The following COL5A1 variants were observed in gnomAD, a reference collection of about 807,000 sequenced individuals.
COL5A1 encodes the protein collagen alpha-1(V) chain.
Under a neutral mutation model 263.7 loss-of-function variants are expected in COL5A1, and 16 were observed. That is an observed-to-expected ratio of 0.06 (90% CI 0.04 to 0.09). COL5A1 has a LOEUF of 0.09. Among genes scored for constraint, COL5A1 ranks in the 10% least tolerant of loss-of-function variants. The pLI, the probability that COL5A1 is intolerant of heterozygous loss-of-function variation, is 1.00. For synonymous variants in COL5A1, 1,012 were observed against 1,004.5 expected (o/e 1.01, Z -0.14); for missense variants, 2,036 against 2,540.5 (o/e 0.80, Z 4.27).
intron 1 of COL5A1, among the ~76,000 whole-genome samples, chr9:134,675,577 G>C (rs1564379793): frequency 6.6e-6 from 1 of 152,154 alleles, no homozygotes; most frequent in Non-Finnish European, 1.5e-5. Flanking sequence ...TCAATACCTG[G>C]TGGCTTAATA....
chr9:134,830,292 G>A lies in COL5A1; in HGVS notation c.5136+248G>A, dbSNP rs557839577. ...TGTGCCACACCGCTCTTGCCAAACC[G>A]CTCCACATCACGTGACAGCAAGACT... On this transcript the variant is annotated intron_variant, in intron 64 of 65. Coordinates refer to ENST00000371817, the MANE Select transcript of COL5A1 (RefSeq NM_000093.5). 3 of 1,049,876 alleles carry A rather than the reference G, an allele frequency of 2.9e-6. No homozygotes were observed. The East Asian group carries it at 7.8e-5, about 27-fold the overall frequency. 65.0% of individuals were successfully genotyped at this position (1,049,876 alleles called of 1,614,324 possible).
intron 11 of COL5A1, 81 bp from the exon 12 acceptor site, chr9:134,750,461 C>G: frequency 7.5e-7 from 1 of 1,328,990 alleles, no homozygotes. Context: ...TGGGCCGCTT[C>G]TCCGACGCCC....
chr9:134,736,441 C>T (rs1835100503), intron 9 of COL5A1, among the ~76,000 whole-genome samples: 1 of 152,218 alleles, frequency 6.6e-6, no homozygotes, highest in South Asian at 2.1e-4. Context: ...CCCTAACGAG[C>T]CCGCTCCCAT....
intron 23 of COL5A1, 105 bp downstream of exon 23, chr9:134,767,158 TAGC>T: frequency 6.9e-7 from 1 of 1,450,034 alleles, no homozygotes; most frequent in Non-Finnish European, 9.6e-7. Flanking sequence ...CCCCTCCAAG[TAGC>T]AGCCCCTCCC....
intron 4 of COL5A1, among the ~76,000 whole-genome samples, chr9:134,725,390 G>A (rs1834611552): frequency 6.6e-6 from 1 of 152,204 alleles, no homozygotes; most frequent in Non-Finnish European, 1.5e-5. Context: ...TGGTAAACAT[G>A]ATCTAATTCG....
Position 134,765,756 on chromosome 9 carries a change from C to G in COL5A1, c.2088+22C>G. 6.2e-7 allele frequency: 1 copy of G among 1,606,858 alleles called. No individual in the cohort carries two copies. The highest frequency in any genetic ancestry group is 1.7e-4 in the Middle Eastern group (1 of 5,824). ...TCCCGTAAGTCCCATTACCGCCCTG[C>G]TTGTCTGCCCCCATCTCGGCCTTTG... is the stretch of plus-strand genomic sequence containing the variant. On this transcript the variant is annotated intron_variant, in intron 21 of 65. Coordinates refer to ENST00000371817, the MANE Select transcript of COL5A1 (RefSeq NM_000093.5). This position sits in a 1 kb window ranked among gnomAD's most constrained non-coding sequence, Gnocchi z 5.1.
chr9:134,744,912 C>T (rs1003186965), intron 11 of COL5A1, among the ~76,000 whole-genome samples: 4 of 152,236 alleles, frequency 2.6e-5, no homozygotes, highest in African/African-American at 9.6e-5. Flanking sequence ...CATATGCACA[C>T]ACCCAGGCGT....
rs1833074890 is a variant in COL5A1, at chr9:134,686,217, TCTTC to T, written c.110-4688_110-4685del. 6.6e-6 allele frequency among the ~76,000 whole-genome samples: 1 copy of T among 152,086 alleles called. No individual in the cohort carries two copies. On this transcript the variant is annotated intron_variant, in intron 1 of 65. Transcript: ENST00000371817. The surrounding 1 kb of genome is among the most constrained non-coding windows in gnomAD (Gnocchi z 4.6). Reference sequence around the variant, plus strand: ...ACTTTCATTTCCAAATTATTCTCCTTCTTCCTTCCTCCTTCTCCTTCTCCTTTTT... The same window carrying T: ...ACTTTCATTTCCAAATTATTCTCCTTCTTCCTCCTTCTCCTTCTCCTTTTT...
At chr9:134,667,338 A>T (rs981820986) in intron 1 of COL5A1, among the ~76,000 whole-genome samples, 28 of 152,222 alleles carry the variant, frequency 1.8e-4, no homozygotes, top group African/African-American at 6.8e-4. Context: ...CCCTCTCAGG[A>T]TCAGTGGCTG....
At chr9:134,644,228 G>A (rs1409657208) in intron 1 of COL5A1, among the ~76,000 whole-genome samples, 9 of 97,754 alleles carry the variant, frequency 9.2e-5, no homozygotes, top group African/African-American at 1.2e-4. Flanking sequence ...GTCCACTGGA[G>A]ATGCAGGCGT....
chr9:134,784,591 A>AAGC (rs1215163965), intron 29 of COL5A1, among the ~76,000 whole-genome samples: 1 of 152,226 alleles, frequency 6.6e-6, no homozygotes, highest in African/African-American at 2.4e-5. Context: ...GGGGTTTCAG[A>AAGC]AGCAGCAGCA....
chr9:134,654,072 G>A (rs1251951435), intron 1 of COL5A1, among the ~76,000 whole-genome samples: 90 of 142,848 alleles, frequency 6.3e-4, no homozygotes, highest in Non-Finnish European at 1.0e-3. Flanking sequence ...GCAGGGCTGG[G>A]TGTGTGTAGG....
At position 134,750,879 on chromosome 9, in the gene COL5A1, C is replaced by T. The variant is rs1236503222; in HGVS notation, c.1659C>T (p.Ala553=). The T allele has an allele frequency of 6.2e-7, 1 of 1,612,712 alleles. No homozygotes were observed. The highest frequency in any genetic ancestry group is 8.5e-7 in the Non-Finnish European group (1 of 1,179,776). The change falls in exon 13 of 66, where the codon GCC becomes GCT. Residue 553 remains alanine (A), a synonymous_variant. Coordinates refer to ENST00000371817, the MANE Select transcript of COL5A1 (RefSeq NM_000093.5). ...AGGCGCAAGCCATTCTCCAGCAGGC[C>T]AGGGTGAGTACTGCTGGGTCCCAAG... ...ESQAQAILQQ[A]RLALRGPAGP... is the part of the protein sequence containing the mutation.
intron 49 of COL5A1, 45 bp downstream of exon 49, chr9:134,814,081 G>A: frequency 6.5e-7 from 1 of 1,541,132 alleles, no homozygotes; most frequent in Non-Finnish European, 8.8e-7. Flanking sequence ...TGGCCGAGCG[G>A]GTGTGTGGAC....
intron 1 of COL5A1, among the ~76,000 whole-genome samples, chr9:134,651,635 G>A (rs1208518549): frequency 6.6e-6 from 1 of 152,230 alleles, no homozygotes; most frequent in African/African-American, 2.4e-5. Context: ...ACACAATTAG[G>A]TCAGTCACTG....
intron 1 of COL5A1, among the ~76,000 whole-genome samples, chr9:134,670,854 C>A (rs1351207653): frequency 3.9e-5 from 6 of 152,216 alleles, no homozygotes; most frequent in Non-Finnish European, 8.8e-5. Flanking sequence ...ACAGCTCTGT[C>A]TGTGTGGGGG....
At chr9:134,715,931 G>T (rs1834244299) in intron 4 of COL5A1, among the ~76,000 whole-genome samples, 1 of 152,110 alleles carries the variant, frequency 6.6e-6, no homozygotes, top group South Asian at 2.1e-4. Flanking sequence ...TGATGATAGT[G>T]GTGGTGGTGA....
chr9:134,804,462 G>C (rs1588568978), intron 39 of COL5A1, among the ~76,000 whole-genome samples: 1 of 151,862 alleles, frequency 6.6e-6, no homozygotes, highest in Non-Finnish European at 1.5e-5. Flanking sequence ...TTCGACCATG[G>C]ATTTCTTTGT....
chr9:134,720,470 G>A (rs540871458), intron 4 of COL5A1, among the ~76,000 whole-genome samples: 1 of 152,350 alleles, frequency 6.6e-6, no homozygotes, highest in African/African-American at 2.4e-5. Flanking sequence ...AATGCTCTCA[G>A]CATACAACAT....
Sources: gnomAD v4.1 joint callset for allele counts (sites outside exome capture counted in the v4.1 genomes callset) on GRCh38, gnomAD v4.1.1 for gene constraint, Gnocchi (gnomAD v3.1) non-coding constraint, MANE v1.5 for transcripts, NCBI Gene and HGNC (gene_info 2026-07-23, HGNC 2026-07-21) for gene names.